The following STK10 variants were observed in gnomAD, a reference collection of about 807,000 sequenced individuals.
STK10 encodes serine/threonine-protein kinase 10.
STK10 carries 78 observed loss-of-function variants against 113.8 expected under a neutral mutation model. The ratio of observed to expected loss-of-function variants is 0.69; its 90% CI spans 0.57 to 0.83. STK10 has a LOEUF of 0.83. Among genes scored for constraint, STK10 ranks in the 40% least tolerant of loss-of-function variants. STK10 has a pLI of 0.00. For missense variants in STK10, 1,109 were observed against 1,280.1 expected, an observed-to-expected ratio of 0.87 and a Z score of 2.04; for synonymous variants, 465 against 494.7, an observed-to-expected ratio of 0.94 and a Z score of 0.80.
intron 7 of STK10, among the ~76,000 whole-genome samples, chr5:172,099,714 C>A (rs188530001): frequency 6.6e-6 from 1 of 152,190 alleles, no homozygotes; most frequent in Admixed American, 6.5e-5. Flanking sequence ...CTAAGCTCCA[C>A]ACTGCGCAAT....
At chr5:172,100,584 C>T (rs898210651) in intron 7 of STK10, among the ~76,000 whole-genome samples, 5 of 151,976 alleles carry the variant, frequency 3.3e-5, no homozygotes, top group Non-Finnish European at 4.4e-5. Flanking sequence ...GTCAGGAGTT[C>T]GAGACCACCC....
chr5:172,106,401 C>CTAAAAAAAAAAAAAAAAAA (rs1769107153), intron 6 of STK10, among the ~76,000 whole-genome samples: 1 of 53,442 alleles, frequency 1.9e-5, no homozygotes, highest in Non-Finnish European at 3.8e-5. Flanking sequence ...GACCCTATCT[C>CTAAAAAAAAAAAAAAAAAA]AAAAAAAAAA....
At chr5:172,178,701 T>C (rs963639615) in intron 1 of STK10, among the ~76,000 whole-genome samples, 1 of 152,214 alleles carries the variant, frequency 6.6e-6, no homozygotes, top group Non-Finnish European at 1.5e-5. Context: ...ATGCAAACCC[T>C]GGCTTCTCTG....
At position 172,093,758 on chromosome 5, in the gene STK10, C is replaced by T; in HGVS notation, c.1208G>A (p.Gly403Asp). 1.2e-6 allele frequency: 2 copies of T among 1,611,604 alleles called. No homozygotes were observed. Among genetic ancestry groups the T allele is most frequent in the Non-Finnish European group, 1.7e-6 (2 of 1,177,904 alleles). The change falls in exon 9 of 19, where the codon GGC (glycine) becomes GAC (aspartate). Residue 403 changes from glycine to aspartate, a missense_variant. Gly to Asp is a moderately conservative substitution (Grantham distance 94, BLOSUM62 -1). Transcript: ENST00000176763. The surrounding 1 kb of genome is among the most constrained non-coding windows in gnomAD (Gnocchi z 4.1). ...CCGCAGGGGCACAGGCACTGCCAGG[C>T]CGTTCTCATTTCCAGGGGCCACGAC... ...PPVVAPGNEN[G>D]LAVPVPLRKS...
intron 7 of STK10, 39 bp from the exon 8 acceptor site, chr5:172,096,599 G>GTA (rs778023985): frequency 1.9e-6 from 3 of 1,604,458 alleles, no homozygotes; most frequent in Non-Finnish European, 1.7e-6. Flanking sequence ...AACCACTCTG[G>GTA]GGTCACGGTG....
intron 1 of STK10, among the ~76,000 whole-genome samples, chr5:172,167,743 A>G (rs1770597842): frequency 6.6e-6 from 1 of 152,216 alleles, no homozygotes; most frequent in Non-Finnish European, 1.5e-5. Flanking sequence ...CATTAGCCAC[A>G]TTTCACGTGC....
chr5:172,051,362 C>T (rs996941284), intron 18 of STK10, among the ~76,000 whole-genome samples: 1 of 152,098 alleles, frequency 6.6e-6, no homozygotes, highest in Non-Finnish European at 1.5e-5. Context: ...CACGTTCCCA[C>T]GCCTGTAATC....
chr5:172,114,192 C>T (rs186634809), intron 4 of STK10, among the ~76,000 whole-genome samples: 67 of 151,592 alleles, frequency 4.4e-4, no homozygotes, highest in African/African-American at 1.5e-3. Context: ...GGGAAGCCCA[C>T]GGAGAGTGGT....
intron 2 of STK10, 35 bp from the exon 3 acceptor site, chr5:172,127,456 G>C: frequency 6.2e-7 from 1 of 1,611,678 alleles, no homozygotes; most frequent in Non-Finnish European, 8.5e-7. Context: ...ACAATGAGTG[G>C]GGCTGCCCAG....
intron 14 of STK10, among the ~76,000 whole-genome samples, chr5:172,058,266 A>C (rs769713501): frequency 2.6e-5 from 4 of 152,246 alleles, no homozygotes; most frequent in Admixed American, 1.3e-4. Flanking sequence ...CCCCAAAATC[A>C]GAACCACAGT....
At chr5:172,088,809 T>C (rs1225865820) in intron 10 of STK10, among the ~76,000 whole-genome samples, 2 of 152,176 alleles carry the variant, frequency 1.3e-5, no homozygotes, top group African/African-American at 4.8e-5. Flanking sequence ...AGTGACTTAC[T>C]TGCCCAGAAA....
intron 4 of STK10, among the ~76,000 whole-genome samples, chr5:172,110,197 C>A (rs1162023171): frequency 6.6e-6 from 1 of 152,194 alleles, no homozygotes; most frequent in Non-Finnish European, 1.5e-5. Context: ...AACATCTACT[C>A]CTAACATGGA....
chr5:172,167,277 T>A lies in STK10; in HGVS notation c.157-10489A>T, dbSNP rs199529121. ...AAATCACTAAAGACAATGGTTAAAT[T>A]AACTTAATGGGATATTAAGTAACCC... On this transcript the variant is annotated intron_variant, in intron 1 of 18. Transcript: ENST00000176763. Among the ~76,000 whole-genome samples, 9 of 152,236 alleles carry A rather than the reference T, an allele frequency of 5.9e-5. No homozygotes were observed. In the East Asian group the frequency reaches 1.7e-3, roughly 29 times the overall value.
At chr5:172,122,654 C>T (rs189031714) in intron 3 of STK10, among the ~76,000 whole-genome samples, 1 of 152,158 alleles carries the variant, frequency 6.6e-6, no homozygotes, top group African/African-American at 2.4e-5. Context: ...GATGGAGTCT[C>T]GCTCTGTCGC....
chr5:172,142,016 T>A (rs1769982789), intron 2 of STK10, among the ~76,000 whole-genome samples: 1 of 152,188 alleles, frequency 6.6e-6, no homozygotes, highest in South Asian at 2.1e-4. Flanking sequence ...TTTTAGCCAC[T>A]GGGAATACAG....
At position 172,061,070 on chromosome 5, in the gene STK10, C is replaced by T. The variant is rs1434361936; in HGVS notation, c.2212+69G>A. On this transcript the variant is annotated intron_variant, in intron 14 of 18. Transcript: ENST00000176763. ...CCTGGGAGGTTCTTGTTGCCCACCCCACTTCCCAGGGCTGGGATGTCCACA... is the reference window on the plus strand; with the variant it reads ...CCTGGGAGGTTCTTGTTGCCCACCCTACTTCCCAGGGCTGGGATGTCCACA... 5 of 1,507,238 alleles carry T rather than the reference C, an allele frequency of 3.3e-6. No homozygotes were observed. In the African/African-American group the frequency reaches 4.2e-5, roughly 13 times the overall value. 93.4% of individuals were successfully genotyped at this position (1,507,238 alleles called of 1,614,324 possible).
chr5:172,059,677 C>T (rs968303733), intron 14 of STK10, among the ~76,000 whole-genome samples: 1 of 152,054 alleles, frequency 6.6e-6, no homozygotes. Flanking sequence ...CTCTCAGTCC[C>T]CTTCTTGCCC....
Position 172,156,771 on chromosome 5 carries a change from C to A in STK10, c.174G>T (p.Thr58=). The change falls in exon 2 of 19, where the codon ACG becomes ACT. Residue 58 remains threonine, a synonymous_variant. Transcript: ENST00000176763. ...GKVYKAKNKE[T]GALAAAKVIE... The stretch of plus-strand genomic sequence containing the variant: ...TGACTTTGGCCGCAGCCAAAGCACC[C>A]GTCTCCTTATTCTTGGCCTGCAAAG... The A allele has an allele frequency of 6.2e-7, 1 of 1,613,848 alleles. No homozygotes were observed. The highest frequency in any genetic ancestry group is 8.5e-7 in the Non-Finnish European group (1 of 1,179,748).
Position 172,082,404 on chromosome 5 carries a change from C to G in STK10, c.1911G>C (p.Glu637Asp), listed in dbSNP as rs1376358921. Residue 637 changes from glutamate to aspartate, a missense_variant, in exon 12 of 19, where the codon GAG (glutamate) becomes GAC (aspartate). This residue lies in a region of STK10 where 885 missense variants were observed against 991.1 expected (regional missense o/e 0.89). Transcript: ENST00000176763. This position sits in a 1 kb window ranked among gnomAD's most constrained non-coding sequence, Gnocchi z 4.3. Reference protein sequence around the residue: ...MEQDHAVRRREEARRIRLEQD... With the variant: ...MEQDHAVRRRDEARRIRLEQD... Reference sequence around the variant, plus strand: ...GCTCCAGGCGGATCCGCCTGGCCTCCTCCCGGCGGCGCACGGCATGGTCTT... The same window carrying G: ...GCTCCAGGCGGATCCGCCTGGCCTCGTCCCGGCGGCGCACGGCATGGTCTT... 6.2e-7 allele frequency: 1 copy of G among 1,611,242 alleles called. No individual in the cohort carries two copies. Among genetic ancestry groups the G allele is most frequent in the African/African-American group, 1.3e-5 (1 of 74,744 alleles).
Sources: allele counts gnomAD v4.1 joint callset (sites outside exome capture counted in the v4.1 genomes callset), GRCh38; gene constraint gnomAD v4.1.1; regional missense constraint gnomAD v4.1.1; non-coding constraint Gnocchi (gnomAD v3.1); transcripts MANE v1.5; gene names NCBI Gene and HGNC (gene_info 2026-07-23, HGNC 2026-07-21).